Variants in ATRX observed in about 807,000 individuals in gnomAD.
The protein encoded by ATRX is ATRX chromatin remodeler.
A neutral mutation model predicts 172.6 loss-of-function variants in ATRX; 12 were observed. The observed-to-expected ratio is 0.07, with a 90% CI of 0.04 to 0.11. The LOEUF (loss-of-function observed/expected upper bound fraction) is 0.11. Ranked by LOEUF, ATRX falls within the 10% of genes least tolerant of loss-of-function variation. ATRX has a pLI of 1.00. For synonymous variants in ATRX, 674 were observed against 594.7 expected (o/e 1.13, Z -1.94); for missense variants, 1,368 against 1,767.4 (o/e 0.77, Z 4.05).
At chrX:77,533,182 C>T (rs1420293564) in intron 30 of ATRX, among the ~76,000 whole-genome samples, 2 of 112,103 alleles carry the variant, frequency 1.8e-5, no homozygotes, top group East Asian at 5.6e-4. Flanking sequence ...CACTTTTATA[C>T]TGTTGGTGTT....
At chrX:77,513,281 C>G (rs1317837785) in intron 34 of ATRX, among the ~76,000 whole-genome samples, 4 of 90,380 alleles carry the variant, frequency 4.4e-5, no homozygotes, top group Non-Finnish European at 8.4e-5. Context: ...TGCGCCACTG[C>G]ACTCCAGCCT....
chrX:77,541,586 G>T (rs781855988), intron 30 of ATRX, among the ~76,000 whole-genome samples: 1 of 111,541 alleles, frequency 9.0e-6, no homozygotes, highest in African/African-American at 3.3e-5. Context: ...CTGGCAAACC[G>T]AATCCAGCAG....
At chrX:77,689,793 T>A (rs1209203911) in intron 6 of ATRX, among the ~76,000 whole-genome samples, 2 of 111,982 alleles carry the variant, frequency 1.8e-5, no homozygotes, top group Admixed American at 9.5e-5. Context: ...TGAATTAAAA[T>A]CTCTCAGGCA....
intron 1 of ATRX, among the ~76,000 whole-genome samples, chrX:77,738,314 G>A (rs782068347): frequency 3.0e-5 from 3 of 101,084 alleles, no homozygotes; most frequent in East Asian, 3.1e-4. Flanking sequence ...CAGCCTAGGC[G>A]ATACAGTGAC....
intron 6 of ATRX, among the ~76,000 whole-genome samples, chrX:77,689,323 C>G (rs1373057553): frequency 8.9e-6 from 1 of 111,963 alleles, no homozygotes; most frequent in Admixed American, 9.5e-5. Context: ...TTTTGCAATC[C>G]TACACTTAAG....
chrX:77,665,834 AAACATGTTCTCTGC>A (rs2070204942), intron 10 of ATRX, among the ~76,000 whole-genome samples: 1 of 111,953 alleles, frequency 8.9e-6, no homozygotes, highest in Non-Finnish European at 1.9e-5. Context: ...TGTATGGGAT[AAACATGTTCTCTGC>A]AATCAAGACT....
intron 27 of ATRX, 131 bp from the exon 28 acceptor site, chrX:77,574,489 T>G (rs1471973126): frequency 1.7e-5 from 8 of 461,551 alleles, no homozygotes; most frequent in Admixed American, 3.5e-5. Flanking sequence ...CAAAATACAT[T>G]ATATACTTTT....
intron 11 of ATRX, among the ~76,000 whole-genome samples, 171 bp downstream of exon 11, chrX:77,664,474 C>T (rs1467454592): frequency 9.0e-6 from 1 of 111,219 alleles, no homozygotes; most frequent in Admixed American, 9.6e-5. Flanking sequence ...TGGTCTCAAA[C>T]TCTTAACCTC....
chrX:77,671,016 C>A (rs2070540548), intron 10 of ATRX, among the ~76,000 whole-genome samples: 2 of 101,965 alleles, frequency 2.0e-5, no homozygotes. Context: ...GGTGTGCTGG[C>A]GGGTGCCTGT....
intron 1 of ATRX, among the ~76,000 whole-genome samples, chrX:77,749,074 A>G (rs1557186354): frequency 1.8e-5 from 2 of 110,714 alleles, no homozygotes; most frequent in Admixed American, 1.9e-4. Flanking sequence ...TGAACAAAGT[A>G]CTCAATAGGT....
intron 15 of ATRX, among the ~76,000 whole-genome samples, chrX:77,644,058 G>A (rs1465944008): frequency 1.8e-5 from 2 of 112,001 alleles, no homozygotes; most frequent in Non-Finnish European, 3.8e-5. Context: ...TTGTGCCTCA[G>A]CCTCCCGAGT....
intron 1 of ATRX, among the ~76,000 whole-genome samples, chrX:77,748,452 T>A (rs2075169073): frequency 8.9e-6 from 1 of 112,273 alleles, no homozygotes; most frequent in Admixed American, 9.5e-5. Flanking sequence ...TTCTAACTTT[T>A]ATACTTTATA....
At chrX:77,584,638 C>T (rs976601934) in intron 27 of ATRX, among the ~76,000 whole-genome samples, 3 of 111,280 alleles carry the variant, frequency 2.7e-5, no homozygotes, top group Non-Finnish European at 5.6e-5. Context: ...CTATCTCTCG[C>T]CATATATAAA....
intron 2 of ATRX, among the ~76,000 whole-genome samples, chrX:77,712,022 A>G (rs945181602): frequency 9.0e-6 from 1 of 111,714 alleles, no homozygotes; most frequent in Non-Finnish European, 1.9e-5. Flanking sequence ...TTTTCGTGCA[A>G]TCTGGTTTTC....
rs189362406 is a variant in ATRX, at chrX:77,550,046, C to T, written c.6699+7405G>A. Among the ~76,000 whole-genome samples the T allele has an allele frequency of 7.1e-5, 8 of 112,180 alleles. No individual in the cohort carries two copies. The East Asian group carries it at 2.2e-3, about 31-fold the overall frequency. ...AGAGTGGTGAATGAAGCTAAGATAG[C>T]AAATTAAGAATCTAACTGAAGATAT... On this transcript the variant is annotated intron_variant, in intron 30 of 34. Coordinates refer to ENST00000373344, the MANE Select transcript of ATRX (RefSeq NM_000489.6).
At chrX:77,636,872 G>GGGAGGA (rs782119800) in intron 15 of ATRX, among the ~76,000 whole-genome samples, 1 of 99,414 alleles carries the variant, frequency 1.0e-5, no homozygotes, top group Non-Finnish European at 2.0e-5. Flanking sequence ...GGGAGGAGGA[G>GGGAGGA]GGAGGAGGAG....
intron 27 of ATRX, among the ~76,000 whole-genome samples, chrX:77,580,912 CAA>C (rs1315568357): frequency 1.8e-5 from 2 of 111,842 alleles, no homozygotes; most frequent in African/African-American, 6.5e-5. Context: ...AAAAAGTGGA[CAA>C]AGTTAAGGTG....
At chrX:77,715,646 T>C (rs1156821328) in intron 2 of ATRX, among the ~76,000 whole-genome samples, 1 of 112,073 alleles carries the variant, frequency 8.9e-6, no homozygotes, top group African/African-American at 3.2e-5. Flanking sequence ...TATTTTTCTC[T>C]CGGTTTATGT....
chrX:77,585,546 A>G (rs1211500010), intron 27 of ATRX, among the ~76,000 whole-genome samples: 1 of 82,906 alleles, frequency 1.2e-5, no homozygotes, highest in Non-Finnish European at 2.2e-5. Context: ...ACTGCACTCC[A>G]GCCTGGGTGA....
Sources: allele counts gnomAD v4.1 joint callset (sites outside exome capture counted in the v4.1 genomes callset), GRCh38; gene constraint gnomAD v4.1.1; transcripts MANE v1.5; gene names NCBI Gene and HGNC (gene_info 2026-07-23, HGNC 2026-07-21).